The following KCNH1 variants were observed in gnomAD, a reference collection of about 807,000 sequenced individuals.
KCNH1 encodes voltage-gated delayed rectifier potassium channel KCNH1.
In KCNH1, 27 loss-of-function variants were observed where a neutral mutation model predicts 69.2. That is an observed-to-expected ratio of 0.39 (90% CI 0.29 to 0.54). The LOEUF is 0.54. Among genes scored for constraint, KCNH1 ranks in the 20% least tolerant of loss-of-function variants. The pLI is 0.68. For synonymous variants in KCNH1, 456 were observed against 487.7 expected (o/e 0.93, Z 0.86); for missense variants, 798 against 1,261.6 (o/e 0.63, Z 5.57).
intron 6 of KCNH1, among the ~76,000 whole-genome samples, chr1:211,009,743 G>A (rs1689358513): frequency 6.6e-6 from 1 of 151,934 alleles, no homozygotes; most frequent in Non-Finnish European, 1.5e-5. Flanking sequence ...TGAGTGGCTG[G>A]GACTAGAGGT....
chr1:210,847,766 A>C (rs1238432524), intron 7 of KCNH1, among the ~76,000 whole-genome samples: 1 of 151,820 alleles, frequency 6.6e-6, no homozygotes, highest in Admixed American at 6.6e-5. Context: ...AAATAAAAAT[A>C]AAGATATAAT....
intron 7 of KCNH1, among the ~76,000 whole-genome samples, chr1:210,849,124 G>T (rs1685626298): frequency 6.6e-6 from 1 of 152,144 alleles, no homozygotes; most frequent in Non-Finnish European, 1.5e-5. Context: ...ACATACATGT[G>T]TATGTGTATT....
At chr1:211,112,856 C>T (rs558110481) in intron 1 of KCNH1, among the ~76,000 whole-genome samples, 10 of 152,180 alleles carry the variant, frequency 6.6e-5, no homozygotes, top group Admixed American at 3.3e-4. Context: ...ATTCCTAGCA[C>T]GCACGTTCTC....
Position 211,107,571 on chromosome 1 carries a change from G to A in KCNH1, c.80-194C>T, listed in dbSNP as rs115130174. ...TTAGAAGTGAATATCTTGAATGCAAGTGCTAACTTAGGTCACTGTACTCCA... is the reference window on the plus strand; with the variant it reads ...TTAGAAGTGAATATCTTGAATGCAAATGCTAACTTAGGTCACTGTACTCCA... On this transcript the variant is annotated intron_variant, in intron 1 of 10. Transcript: ENST00000271751. Among the ~76,000 whole-genome samples the A allele has an allele frequency of 5.0e-3, 755 of 152,258 alleles. 5 individuals carry two copies. Among genetic ancestry groups the A allele is most frequent in the Non-Finnish European group, 8.6e-3 (588 of 68,026 alleles).
At chr1:210,947,434 G>C (rs1687979457) in intron 6 of KCNH1, among the ~76,000 whole-genome samples, 1 of 151,938 alleles carries the variant, frequency 6.6e-6, no homozygotes, top group African/African-American at 2.4e-5. Context: ...AATTAGCCAG[G>C]CATGGTGGCG....
At chr1:210,883,313 T>C (rs1392260510) in intron 7 of KCNH1, among the ~76,000 whole-genome samples, 4 of 152,176 alleles carry the variant, frequency 2.6e-5, no homozygotes. Flanking sequence ...CTAACATATG[T>C]GAGGCTAACC....
chr1:210,911,615 A>G (rs1035250593), intron 7 of KCNH1, among the ~76,000 whole-genome samples: 1 of 149,070 alleles, frequency 6.7e-6, no homozygotes, highest in African/African-American at 2.5e-5. Flanking sequence ...TACTAAAAAT[A>G]AAGTTATTTT....
At position 210,818,167 on chromosome 1, in the gene KCNH1, G is replaced by A. The variant is rs949580438; in HGVS notation, c.1463-14001C>T. On this transcript the variant is annotated intron_variant, in intron 7 of 10. Transcript: ENST00000271751. Reference sequence around the variant, plus strand: ...AAACTCCCTTTGAGCTCTAATATATGATTATGTATTTAGAAAACTTGAAAT... The same window carrying A: ...AAACTCCCTTTGAGCTCTAATATATAATTATGTATTTAGAAAACTTGAAAT... Among the ~76,000 whole-genome samples, 3 of 152,180 alleles carry A rather than the reference G, an allele frequency of 2.0e-5. No homozygotes were observed. The South Asian group carries it at 6.2e-4, about 32-fold the overall frequency.
At chr1:211,113,000 G>A (rs1023771080) in intron 1 of KCNH1, among the ~76,000 whole-genome samples, 2 of 152,130 alleles carry the variant, frequency 1.3e-5, no homozygotes, top group Non-Finnish European at 2.9e-5. Flanking sequence ...CCACATAAGT[G>A]AGATTTTAGA....
chr1:210,867,262 T>A (rs534138810), intron 7 of KCNH1, among the ~76,000 whole-genome samples: 3 of 151,854 alleles, frequency 2.0e-5, no homozygotes, highest in African/African-American at 7.2e-5. Flanking sequence ...GCAAATTGTA[T>A]GGTAGGTGAG....
At chr1:211,015,716 C>G (rs1204765276) in intron 6 of KCNH1, among the ~76,000 whole-genome samples, 1 of 152,116 alleles carries the variant, frequency 6.6e-6, no homozygotes, top group Non-Finnish European at 1.5e-5. Flanking sequence ...AGTATTATCC[C>G]CAAGATGTAG....
chr1:210,872,259 A>G (rs961927630), intron 7 of KCNH1, among the ~76,000 whole-genome samples: 4 of 151,766 alleles, frequency 2.6e-5, no homozygotes, highest in African/African-American at 9.7e-5. Flanking sequence ...GACAATAATG[A>G]TGATTAAAAT....
At chr1:211,062,065 A>G (rs977373080) in intron 5 of KCNH1, among the ~76,000 whole-genome samples, 1 of 152,164 alleles carries the variant, frequency 6.6e-6, no homozygotes, top group African/African-American at 2.4e-5. Flanking sequence ...ACTTCAAATT[A>G]TACTACAAAG....
At chr1:210,723,950 T>C (rs1460728120) in intron 10 of KCNH1, among the ~76,000 whole-genome samples, 2 of 152,210 alleles carry the variant, frequency 1.3e-5, no homozygotes, top group Non-Finnish European at 2.9e-5. Context: ...CTGAGGTATC[T>C]ATAGCTTCTC....
intron 6 of KCNH1, among the ~76,000 whole-genome samples, chr1:211,004,646 T>C (rs1245336675): frequency 6.6e-6 from 1 of 151,920 alleles, no homozygotes; most frequent in Non-Finnish European, 1.5e-5. Context: ...AGATAGAAAC[T>C]AAGATATCAC....
intron 10 of KCNH1, among the ~76,000 whole-genome samples, chr1:210,737,754 C>T (rs1682915150): frequency 6.6e-6 from 1 of 152,192 alleles, no homozygotes; most frequent in Non-Finnish European, 1.5e-5. Flanking sequence ...CTCAAACACC[C>T]ACAGAAAGTA....
At chr1:210,799,161 A>G (rs1473567810) in intron 8 of KCNH1, among the ~76,000 whole-genome samples, 1 of 152,192 alleles carries the variant, frequency 6.6e-6, no homozygotes, top group Non-Finnish European at 1.5e-5. Context: ...GTGATTTTAC[A>G]TTTTAAACTG....
intron 7 of KCNH1, among the ~76,000 whole-genome samples, chr1:210,917,275 G>GAAAGAAAGAAAAGA (rs1553359771): frequency 1.5e-4 from 21 of 142,996 alleles, no homozygotes; most frequent in African/African-American, 5.6e-4. Context: ...AAGAAAGAAA[G>GAAAGAAAGAAAAGA]AAAGAAAAGA....
chr1:211,108,885 C>T (rs1297311346), intron 1 of KCNH1, among the ~76,000 whole-genome samples: 1 of 152,180 alleles, frequency 6.6e-6, no homozygotes, highest in Non-Finnish European at 1.5e-5. Flanking sequence ...GTGCCAAGCA[C>T]AATGCAAGAC....
Sources: gnomAD v4.1 joint callset for allele counts (sites outside exome capture counted in the v4.1 genomes callset) on GRCh38, gnomAD v4.1.1 for gene constraint, MANE v1.5 for transcripts, NCBI Gene and HGNC (gene_info 2026-07-23, HGNC 2026-07-21) for gene names.